EBF3: variants seen among roughly 807,000 people sequenced by gnomAD.
EBF3 encodes the protein transcription factor COE3.
EBF3 carries 18 observed loss-of-function variants against 77.1 expected under a neutral mutation model. The observed-to-expected ratio is 0.23, with a 90% confidence interval of 0.16 to 0.35. The LOEUF (loss-of-function observed/expected upper bound fraction) is 0.35. Ranked by LOEUF, EBF3 falls within the 10% of genes least tolerant of loss-of-function variation. The pLI is 1.00. For missense variants in EBF3, 558 were observed against 860.0 expected, an observed-to-expected ratio of 0.65 and a Z score of 4.39; for synonymous variants, 350 against 343.5, an observed-to-expected ratio of 1.02 and a Z score of -0.21.
chr10:129,959,011 C>A lies in EBF3; in HGVS notation c.412-4G>T, dbSNP rs374464374. On this transcript the variant is annotated splice_polypyrimidine_tract_variant and splice_region_variant and intron_variant, in intron 4 of 16. Coordinates refer to ENST00000440978, the MANE Select transcript of EBF3 (RefSeq NM_001375380.1). The stretch of plus-strand genomic sequence containing the variant: ...CCTGGCCCTCGTAGACGATGGCCTG[C>A]GCGAGGGACAAGCAGAGGCTGGGGT... 19 of 1,597,790 alleles carry A rather than the reference C, an allele frequency of 1.2e-5. No individual in the cohort carries two copies. Among genetic ancestry groups the A allele is most frequent in the Admixed American group, 1.7e-5 (1 of 58,728 alleles).
intron 10 of EBF3, among the ~76,000 whole-genome samples, chr10:129,854,543 C>A (rs573452195): frequency 6.6e-6 from 1 of 152,220 alleles, no homozygotes; most frequent in Non-Finnish European, 1.5e-5. Flanking sequence ...ACGTGTAATA[C>A]CCCGCTTCTT....
intron 6 of EBF3, among the ~76,000 whole-genome samples, chr10:129,932,021 A>G (rs1857057635): frequency 6.6e-6 from 1 of 152,198 alleles, no homozygotes; most frequent in Non-Finnish European, 1.5e-5. Context: ...GAGCTAGGCC[A>G]GCCAGAGGAA....
rs970001083 is a variant in EBF3 at position 129,938,194 on chromosome 10, T to C, written c.554+19064A>G. Among the ~76,000 whole-genome samples the C allele has an allele frequency of 1.3e-5, 2 of 152,066 alleles. No homozygotes were observed. The highest frequency in any genetic ancestry group is 4.8e-5 in the African/African-American group (2 of 41,396). On this transcript the variant is annotated intron_variant, in intron 6 of 16. Transcript: ENST00000440978. This position sits in a 1 kb window ranked among gnomAD's most constrained non-coding sequence, Gnocchi z 5.1. ...GCATGAGGCTTCATCAGTGAGCCCC[T>C]CTGGTACACAGACTGCTCTGTTCTA...
In EBF3 at chr10:129,837,995, C is replaced by T. The variant is rs755402006; in HGVS notation, c.1873-35G>A. ...AGAAGGACAGAGCAGTTACTGCAGG[C>T]TCCCCCACGCGCCCTCCCGCCAACG... On this transcript the variant is annotated intron_variant, in intron 16 of 16. Transcript: ENST00000440978. 5.6e-6 allele frequency: 9 copies of T among 1,613,560 alleles called. No homozygotes were observed. The Admixed American group carries it at 1.0e-4, about 18-fold the overall frequency.
At chr10:129,914,235 G>A (rs918889890) in intron 6 of EBF3, among the ~76,000 whole-genome samples, 7 of 152,282 alleles carry the variant, frequency 4.6e-5, no homozygotes, top group East Asian at 1.9e-4. Context: ...TTTGAAGACC[G>A]AGGCGGCTGA....
At chr10:129,838,886 G>T (rs955132135) in intron 16 of EBF3, among the ~76,000 whole-genome samples, 197 bp downstream of exon 16, 3 of 152,326 alleles carry the variant, frequency 2.0e-5, no homozygotes, top group Non-Finnish European at 4.4e-5. Flanking sequence ...TACACACCGC[G>T]TAGGAGGTGC....
chr10:129,958,381 G>GA (rs1484235656), intron 5 of EBF3, among the ~76,000 whole-genome samples: 1 of 152,136 alleles, frequency 6.6e-6, no homozygotes, highest in East Asian at 1.9e-4. Context: ...GTGGTAGTTA[G>GA]AAAAAACAGG....
intron 6 of EBF3, among the ~76,000 whole-genome samples, chr10:129,889,894 T>C (rs1350123116): frequency 2.0e-5 from 3 of 150,602 alleles, no homozygotes; most frequent in East Asian, 3.9e-4. Context: ...TCAGTGACTC[T>C]TTCCACATTC....
At chr10:129,942,046 C>T (rs1249117331) in intron 6 of EBF3, among the ~76,000 whole-genome samples, 2 of 152,190 alleles carry the variant, frequency 1.3e-5, no homozygotes, top group Non-Finnish European at 2.9e-5. Flanking sequence ...CCCTGTGTCC[C>T]CGCAGCCAGG....
intron 6 of EBF3, among the ~76,000 whole-genome samples, chr10:129,918,565 C>G (rs1180159267): frequency 6.6e-6 from 1 of 152,236 alleles, no homozygotes; most frequent in Non-Finnish European, 1.5e-5. Flanking sequence ...CTCCGCACCA[C>G]CAACCTGCGG....
chr10:129,855,248 G>A (rs1851173254), intron 10 of EBF3, among the ~76,000 whole-genome samples: 1 of 152,172 alleles, frequency 6.6e-6, no homozygotes, highest in African/African-American at 2.4e-5. Flanking sequence ...GCCCAACCGG[G>A]CCTCGTGCAC....
chr10:129,856,237 T>C (rs946483231), intron 10 of EBF3, among the ~76,000 whole-genome samples: 4 of 152,188 alleles, frequency 2.6e-5, no homozygotes, highest in African/African-American at 9.7e-5. Flanking sequence ...ATTTTCAATT[T>C]TGAAAAGCCA....
At chr10:129,931,084 C>T (rs1020320976) in intron 6 of EBF3, among the ~76,000 whole-genome samples, 2 of 151,778 alleles carry the variant, frequency 1.3e-5, no homozygotes, top group Non-Finnish European at 2.9e-5. Flanking sequence ...CTGTCTATAT[C>T]TATCTCTATA....
chr10:129,864,896 G>C lies in EBF3; in HGVS notation c.1039+2245C>G, dbSNP rs547419452. On this transcript the variant is annotated intron_variant, in intron 10 of 16. Transcript: ENST00000440978. The surrounding 1 kb of genome is among the most constrained non-coding windows in gnomAD (Gnocchi z 4.4). ...GTTCACCCTCAGTGACTTTCCACAGGAAGGACCATTTATGGAGTGCCTGCC... is the reference window on the plus strand; with the variant it reads ...GTTCACCCTCAGTGACTTTCCACAGCAAGGACCATTTATGGAGTGCCTGCC... Among the ~76,000 whole-genome samples, 14 of 152,312 alleles carry C rather than the reference G, an allele frequency of 9.2e-5. No individual in the cohort carries two copies. The East Asian group carries it at 1.5e-3, about 17-fold the overall frequency.
intron 6 of EBF3, among the ~76,000 whole-genome samples, chr10:129,902,093 C>T (rs1045974629): frequency 1.3e-5 from 2 of 152,168 alleles, no homozygotes; most frequent in Non-Finnish European, 2.9e-5. Flanking sequence ...ATGTTAACTT[C>T]TGCAACTGGG....
At chr10:129,873,345 C>G in intron 8 of EBF3, 107 bp downstream of exon 8, 1 of 1,305,092 alleles carries the variant, frequency 7.7e-7, no homozygotes, top group Middle Eastern at 2.2e-4. Context: ...GGAGGTCTGA[C>G]CAAGGGCGGG....
intron 15 of EBF3, 99 bp from the exon 16 acceptor site, chr10:129,839,294 G>A (rs1386605096): frequency 1.7e-5 from 9 of 537,828 alleles, no homozygotes; most frequent in Non-Finnish European, 2.9e-5. Flanking sequence ...TATACCAAAG[G>A]TGGTGTCTGA....
In EBF3 at chr10:129,889,504, TTCCATCATCCA is replaced by T. The variant is rs1853859638; in HGVS notation, c.555-11666_555-11656del. 2.6e-5 allele frequency among the ~76,000 whole-genome samples: 4 copies of T among 152,190 alleles called. No homozygotes were observed. In the South Asian group the frequency reaches 8.3e-4, roughly 32 times the overall value. Reference sequence around the variant, plus strand: ...TGAGCACAGCTTTCTTGTCGGACGGTTCCATCATCCACCTGCTCCCCAAACTCTGCAGCCTC... The same window carrying T: ...TGAGCACAGCTTTCTTGTCGGACGGTCCTGCTCCCCAAACTCTGCAGCCTC... On this transcript the variant is annotated intron_variant, in intron 6 of 16. Transcript: ENST00000440978.
chr10:129,894,399 C>T (rs1431729534), intron 6 of EBF3, among the ~76,000 whole-genome samples: 3 of 152,208 alleles, frequency 2.0e-5, no homozygotes, highest in Non-Finnish European at 2.9e-5. Context: ...AGTTTTAGGA[C>T]GACCAGAAGA....
Sources: gnomAD v4.1 joint callset for allele counts (sites outside exome capture counted in the v4.1 genomes callset) on GRCh38, gnomAD v4.1.1 for gene constraint, Gnocchi (gnomAD v3.1) non-coding constraint, MANE v1.5 for transcripts, NCBI Gene and HGNC (gene_info 2026-07-23, HGNC 2026-07-21) for gene names.